Variants in TRABD2B observed in about 807,000 individuals in gnomAD.
The protein encoded by TRABD2B is TraB domain containing 2B, also known as metalloprotease TIKI2.
TRABD2B carries 14 observed loss-of-function variants against 40.1 expected under a neutral mutation model. The observed-to-expected ratio is 0.35, with a 90% confidence interval of 0.23 to 0.55. The LOEUF (loss-of-function observed/expected upper bound fraction) is 0.55, where lower values mean the gene tolerates loss of function less well. Among genes scored for constraint, TRABD2B ranks in the 20% least tolerant of loss-of-function variants. The pLI is 0.90. For synonymous variants in TRABD2B, 263 were observed against 277.0 expected (o/e 0.95, Z 0.50); for missense variants, 541 against 648.6 (o/e 0.83, Z 1.80).
intron 2 of TRABD2B, among the ~76,000 whole-genome samples, chr1:47,938,042 C>T (rs1332483704): frequency 6.6e-6 from 1 of 152,164 alleles, no homozygotes; most frequent in African/African-American, 2.4e-5. Context: ...TTTTGCCAGC[C>T]GCAAATGGGG....
intron 2 of TRABD2B, among the ~76,000 whole-genome samples, chr1:47,912,520 C>T (rs1482433959): frequency 6.6e-6 from 1 of 152,234 alleles, no homozygotes; most frequent in Non-Finnish European, 1.5e-5. Flanking sequence ...CAGCCTCCAT[C>T]CCACCACCTG....
chr1:47,858,760 G>T (rs1465076038), intron 2 of TRABD2B, among the ~76,000 whole-genome samples: 1 of 152,200 alleles, frequency 6.6e-6, no homozygotes. Flanking sequence ...AGCCAGTGTT[G>T]CTGTCTCTTC....
chr1:47,879,992 C>T (rs1051706046), intron 2 of TRABD2B, among the ~76,000 whole-genome samples: 2 of 152,226 alleles, frequency 1.3e-5, no homozygotes, highest in Non-Finnish European at 2.9e-5. Flanking sequence ...CCCTTAGCTT[C>T]TAGGAGAGAG....
intron 2 of TRABD2B, among the ~76,000 whole-genome samples, chr1:47,987,427 T>C (rs998968664): frequency 6.6e-6 from 1 of 152,074 alleles, no homozygotes; most frequent in African/African-American, 2.4e-5. Flanking sequence ...AGAGTTTGGA[T>C]TTATGGTTGG....
In TRABD2B at chr1:47,842,326, C is replaced by T. The variant is rs181020820; in HGVS notation, c.667-40707G>A. Reference sequence around the variant, plus strand: ...GCCACCTCAGAGTTCGTTTGACCACCCCCAGGGCTCAGGGGATCACATTTT... The same window carrying T: ...GCCACCTCAGAGTTCGTTTGACCACTCCCAGGGCTCAGGGGATCACATTTT... On this transcript the variant is annotated intron_variant, in intron 2 of 6. Transcript: ENST00000606738. Among the ~76,000 whole-genome samples, 17 of 152,226 alleles carry T rather than the reference C, an allele frequency of 1.1e-4. No individual in the cohort carries two copies. The East Asian group carries it at 2.9e-3, about 26-fold the overall frequency.
intron 2 of TRABD2B, among the ~76,000 whole-genome samples, chr1:47,916,236 C>T (rs980912223): frequency 6.6e-6 from 1 of 152,154 alleles, no homozygotes; most frequent in African/African-American, 2.4e-5. Context: ...ACAGAAGCCT[C>T]CCCTGCTTCA....
intron 2 of TRABD2B, among the ~76,000 whole-genome samples, chr1:47,825,864 G>A (rs992892656): frequency 6.6e-6 from 1 of 152,142 alleles, no homozygotes; most frequent in Non-Finnish European, 1.5e-5. Flanking sequence ...CAGGAGCCTG[G>A]GTTCATGTTC....
At chr1:47,903,412 C>T (rs1001896604) in intron 2 of TRABD2B, among the ~76,000 whole-genome samples, 5 of 141,538 alleles carry the variant, frequency 3.5e-5, no homozygotes, top group African/African-American at 1.3e-4. Flanking sequence ...GAAGATCTCG[C>T]TGTGACATAG....
rs139959315 is a variant in TRABD2B at position 47,975,213 on chromosome 1, G to A, written c.666+18821C>T. 3.3e-5 allele frequency among the ~76,000 whole-genome samples: 5 copies of A among 152,336 alleles called. No individual in the cohort carries two copies. In the East Asian group the frequency reaches 9.6e-4, roughly 29 times the overall value. ...TGACAAATGTACCACATTAACATAA[G>A]ATGCTAATAACAGGGGAACTGGGTG... is the stretch of plus-strand genomic sequence containing the variant. On this transcript the variant is annotated intron_variant, in intron 2 of 6. Transcript: ENST00000606738.
intron 2 of TRABD2B, among the ~76,000 whole-genome samples, chr1:47,844,911 A>T (rs1645447970): frequency 6.6e-6 from 1 of 152,156 alleles, no homozygotes; most frequent in African/African-American, 2.4e-5. Context: ...CTGTAATGTA[A>T]GAACTGCAGT....
chr1:47,920,328 C>T (rs1384368998), intron 2 of TRABD2B, among the ~76,000 whole-genome samples: 1 of 152,178 alleles, frequency 6.6e-6, no homozygotes, highest in Admixed American at 6.5e-5. Context: ...GCTTAATCCC[C>T]GTCAAATTAG....
At chr1:47,775,549 A>T in intron 5 of TRABD2B, 110 bp from the exon 6 acceptor site, 1 of 1,136,444 alleles carries the variant, frequency 8.8e-7, no homozygotes, top group Non-Finnish European at 1.1e-6. Context: ...AGAAAGTGCC[A>T]GGGTGCCCCT....
intron 4 of TRABD2B, among the ~76,000 whole-genome samples, chr1:47,784,115 G>T (rs1644562705): frequency 6.6e-6 from 1 of 152,160 alleles, no homozygotes; most frequent in East Asian, 1.9e-4. Context: ...CCTTTGAGGT[G>T]TTGCCAGTTT....
intron 2 of TRABD2B, among the ~76,000 whole-genome samples, chr1:47,949,043 G>A (rs1645301431): frequency 6.6e-6 from 1 of 152,082 alleles, no homozygotes; most frequent in African/African-American, 2.4e-5. Context: ...TAACATAAGG[G>A]CACACGGGTT....
intron 2 of TRABD2B, among the ~76,000 whole-genome samples, chr1:47,910,571 C>T (rs1469857676): frequency 1.3e-5 from 2 of 152,144 alleles, no homozygotes; most frequent in African/African-American, 4.8e-5. Context: ...ATGCAGTGGA[C>T]CGGCACTGGG....
chr1:47,816,103 GT>G (rs1268056098), intron 2 of TRABD2B, among the ~76,000 whole-genome samples: 1 of 152,136 alleles, frequency 6.6e-6, no homozygotes, highest in Admixed American at 6.5e-5. Flanking sequence ...TGGTCTGGCT[GT>G]TTTTGTGTCT....
chr1:47,972,702 C>T (rs1645698852), intron 2 of TRABD2B, among the ~76,000 whole-genome samples: 1 of 152,184 alleles, frequency 6.6e-6, no homozygotes, highest in Non-Finnish European at 1.5e-5. Flanking sequence ...TTTGTTACAG[C>T]AGCCTGAGCT....
intron 2 of TRABD2B, among the ~76,000 whole-genome samples, chr1:47,865,227 T>C (rs2124569198): frequency 6.6e-6 from 1 of 152,218 alleles, no homozygotes. Context: ...GGCCCAGGCC[T>C]CCTCTCCGCT....
chr1:47,815,078 C>G (rs1027305859), intron 2 of TRABD2B, among the ~76,000 whole-genome samples: 1 of 152,212 alleles, frequency 6.6e-6, no homozygotes, highest in African/African-American at 2.4e-5. Flanking sequence ...AACAAGGGAT[C>G]GGTCTGCTTC....
Sources: allele counts gnomAD v4.1 joint callset (sites outside exome capture counted in the v4.1 genomes callset), GRCh38; gene constraint gnomAD v4.1.1; transcripts MANE v1.5; gene names NCBI Gene and HGNC (gene_info 2026-07-23, HGNC 2026-07-21).